Variants in RCOR1 observed in about 807,000 individuals in gnomAD.
RCOR1 encodes REST corepressor 1.
Under a neutral mutation model 64.0 loss-of-function variants are expected in RCOR1, and 12 were observed. That is an observed-to-expected ratio of 0.19 (90% CI 0.12 to 0.30). RCOR1 has a LOEUF of 0.30. Ranked by LOEUF, RCOR1 falls within the 10% of genes least tolerant of loss-of-function variation. The pLI is 1.00. For synonymous variants in RCOR1, 279 were observed against 227.2 expected (o/e 1.23, Z -2.05); for missense variants, 502 against 621.2 (o/e 0.81, Z 2.04).
At chr14:102,628,226 G>C (rs1894022681) in intron 2 of RCOR1, among the ~76,000 whole-genome samples, 1 of 152,138 alleles carries the variant, frequency 6.6e-6, no homozygotes, top group Non-Finnish European at 1.5e-5. Flanking sequence ...AGGGCAGTCT[G>C]CTTTACTCAG....
chr14:102,693,941 T>C (rs1222045307), intron 3 of RCOR1, among the ~76,000 whole-genome samples: 1 of 152,220 alleles, frequency 6.6e-6, no homozygotes, highest in Non-Finnish European at 1.5e-5. Flanking sequence ...TCCTCCCGTC[T>C]TGGCTTATCA....
chr14:102,677,140 G>A (rs1323260419), intron 2 of RCOR1, among the ~76,000 whole-genome samples: 4 of 135,788 alleles, frequency 2.9e-5, no homozygotes, highest in Admixed American at 2.1e-4. Flanking sequence ...CGGACGGGGC[G>A]GCTGGCCGGG....
At chr14:102,665,032 C>CA (rs1894890990) in intron 2 of RCOR1, among the ~76,000 whole-genome samples, 1 of 152,010 alleles carries the variant, frequency 6.6e-6, no homozygotes, top group South Asian at 2.1e-4. Flanking sequence ...TTTTTGGAGA[C>CA]AGAGTTTTGC....
In RCOR1 at chr14:102,593,169, TC is replaced by T; in HGVS notation, c.285del (p.Ser96AlafsTer10). The T allele has an allele frequency of 6.6e-7, 1 of 1,520,532 alleles. No individual in the cohort carries two copies. Among genetic ancestry groups the T allele is most frequent in the Non-Finnish European group, 8.8e-7 (1 of 1,140,370 alleles). 94.2% of individuals were successfully genotyped at this position (1,520,532 alleles called of 1,614,324 possible). On this transcript the variant is annotated frameshift_variant, in exon 1 of 12. Transcript: ENST00000262241. LOFTEE classifies it high-confidence loss of function. ...NSWEEGSSGSSSDEEHGGGGM... is the reference protein window; with the variant it reads ...NSWEEGSSGSXSDEEHGGGGM... ...CTGGGAGGAAGGCAGCTCGGGCTCG[TC>T]CAGCGACGAGGAGCACGGTAGGTGG...
intron 2 of RCOR1, among the ~76,000 whole-genome samples, chr14:102,607,516 G>A (rs1366381629): frequency 6.6e-6 from 1 of 152,046 alleles, no homozygotes; most frequent in Non-Finnish European, 1.5e-5. Flanking sequence ...GGAAGCTGAG[G>A]CAAGTGGGTC....
intron 2 of RCOR1, among the ~76,000 whole-genome samples, chr14:102,635,981 C>T (rs1346632638): frequency 1.3e-5 from 2 of 149,460 alleles, no homozygotes; most frequent in African/African-American, 4.9e-5. Flanking sequence ...CTCACTCTGT[C>T]GCCCAGGCTG....
chr14:102,691,438 G>A (rs545694407), intron 3 of RCOR1, among the ~76,000 whole-genome samples: 4 of 152,188 alleles, frequency 2.6e-5, no homozygotes, highest in South Asian at 2.1e-4. Flanking sequence ...ACGTGCCCCC[G>A]ATTCTAAAAT....
rs1398474507 is a variant in RCOR1, at chr14:102,628,134, C to T, written c.361+34809C>T. 2.0e-5 allele frequency among the ~76,000 whole-genome samples: 3 copies of T among 152,010 alleles called. No individual in the cohort carries two copies. The East Asian group carries it at 5.8e-4, about 29-fold the overall frequency. ...AGTGTCTCAGCTCAAGCAGTGAGACCCAGAGGAGTTCCCTCTTAAACTCAG... is the reference window on the plus strand; with the variant it reads ...AGTGTCTCAGCTCAAGCAGTGAGACTCAGAGGAGTTCCCTCTTAAACTCAG... On this transcript the variant is annotated intron_variant, in intron 2 of 11. Coordinates refer to ENST00000262241, the MANE Select transcript of RCOR1 (RefSeq NM_015156.4).
intron 2 of RCOR1, among the ~76,000 whole-genome samples, chr14:102,654,302 G>A (rs556452912): frequency 1.3e-5 from 2 of 151,902 alleles, no homozygotes; most frequent in Non-Finnish European, 2.9e-5. Context: ...TTTTTTTATA[G>A]CAGTGTGAGA....
At chr14:102,613,556 C>T (rs1176384121) in intron 2 of RCOR1, among the ~76,000 whole-genome samples, 2 of 151,522 alleles carry the variant, frequency 1.3e-5, no homozygotes, top group African/African-American at 4.8e-5. Flanking sequence ...CCTCAGCCTC[C>T]CGAGTAGCTG....
At chr14:102,655,464 C>T in intron 2 of RCOR1, 5 of 981,662 alleles carry the variant, frequency 5.1e-6, no homozygotes, top group Non-Finnish European at 6.0e-6. Flanking sequence ...TTTGCTTTAT[C>T]ACAGTATTTT....
intron 8 of RCOR1, among the ~76,000 whole-genome samples, chr14:102,717,916 G>T (rs568954510): frequency 1.3e-5 from 2 of 152,250 alleles, no homozygotes; most frequent in East Asian, 3.9e-4. Context: ...CCACAGTGCA[G>T]CAGTGTGTTC....
intron 3 of RCOR1, among the ~76,000 whole-genome samples, chr14:102,685,914 C>G (rs1202009933): frequency 2.0e-5 from 3 of 151,920 alleles, no homozygotes; most frequent in Non-Finnish European, 4.4e-5. Flanking sequence ...CAACATAGAT[C>G]TCCCCTCTAT....
intron 2 of RCOR1, among the ~76,000 whole-genome samples, chr14:102,641,244 A>T (rs1322817970): frequency 6.6e-6 from 1 of 150,726 alleles, no homozygotes; most frequent in African/African-American, 2.4e-5. Flanking sequence ...GCAGAGTGAG[A>T]CTCGGCCTTA....
intron 2 of RCOR1, among the ~76,000 whole-genome samples, chr14:102,611,447 A>G (rs1214613969): frequency 6.6e-6 from 1 of 151,954 alleles, no homozygotes; most frequent in Non-Finnish European, 1.5e-5. Flanking sequence ...CAGTTGCTTG[A>G]TTCTTTTTTT....
At chr14:102,599,477 T>A (rs1029612989) in intron 2 of RCOR1, among the ~76,000 whole-genome samples, 1 of 152,178 alleles carries the variant, frequency 6.6e-6, no homozygotes, top group African/African-American at 2.4e-5. Flanking sequence ...TTTATACACG[T>A]CCTTGGTGCT....
intron 3 of RCOR1, among the ~76,000 whole-genome samples, chr14:102,685,300 A>G (rs572026489): frequency 6.6e-6 from 1 of 152,130 alleles, no homozygotes; most frequent in Non-Finnish European, 1.5e-5. Context: ...GTATATCTAC[A>G]GTTATCTAAT....
chr14:102,654,786 GTTTTT>G (rs570052553), intron 2 of RCOR1, among the ~76,000 whole-genome samples: 32 of 118,368 alleles, frequency 2.7e-4, no homozygotes, highest in East Asian at 1.2e-3. Context: ...CTGTGGTTGA[GTTTTT>G]TTTTTTTTTT....
intron 2 of RCOR1, among the ~76,000 whole-genome samples, chr14:102,638,727 G>C (rs1449817311): frequency 6.6e-6 from 1 of 152,076 alleles, no homozygotes; most frequent in South Asian, 2.1e-4. Flanking sequence ...GAGTGCAGTG[G>C]CACAATCTTG....
Sources: gnomAD v4.1 joint callset for allele counts (sites outside exome capture counted in the v4.1 genomes callset) on GRCh38, gnomAD v4.1.1 for gene constraint, MANE v1.5 for transcripts, NCBI Gene and HGNC (gene_info 2026-07-23, HGNC 2026-07-21) for gene names.